Variants in IGF1R observed in about 807,000 individuals in gnomAD.
IGF1R encodes the protein insulin-like growth factor 1 receptor.
Under a neutral mutation model 144.6 loss-of-function variants are expected in IGF1R, and 44 were observed. That is an observed-to-expected ratio of 0.30 (90% CI 0.24 to 0.39). The LOEUF (loss-of-function observed/expected upper bound fraction) is 0.39. IGF1R is among the 10% of genes least tolerant of loss of function. IGF1R has a pLI of 1.00. For synonymous variants in IGF1R, 795 were observed against 722.8 expected, an observed-to-expected ratio of 1.10 and a Z score of -1.60; for missense variants, 1,355 against 1,833.7, an observed-to-expected ratio of 0.74 and a Z score of 4.77.
chr15:98,676,328 G>C (rs560447759), intron 1 of IGF1R, among the ~76,000 whole-genome samples: 17 of 152,090 alleles, frequency 1.1e-4, no homozygotes, highest in African/African-American at 4.1e-4. Context: ...AGTAGAAATG[G>C]GGTTTCACTA....
intron 18 of IGF1R, 21 bp from the exon 19 acceptor site, chr15:98,942,902 G>C (rs1303852817): frequency 3.4e-5 from 55 of 1,613,860 alleles, no homozygotes; most frequent in Non-Finnish European, 4.6e-5. Flanking sequence ...GTGTGACTCT[G>C]CGCCCTCTCT....
At chr15:98,850,956 A>G (rs1020505242) in intron 2 of IGF1R, among the ~76,000 whole-genome samples, 5 of 152,152 alleles carry the variant, frequency 3.3e-5, no homozygotes, top group Non-Finnish European at 1.5e-5. Context: ...CTCAGGGTCT[A>G]CTGAGGTGGA....
intron 3 of IGF1R, among the ~76,000 whole-genome samples, chr15:98,896,021 C>G (rs566673586): frequency 1.2e-4 from 18 of 152,040 alleles, no homozygotes; most frequent in African/African-American, 3.6e-4. Context: ...AAGTGCCAGT[C>G]TTACTTGTCC....
Position 98,959,778 on chromosome 15 carries a change from G to A in IGF1R, c.*2336G>A. On this transcript the variant is annotated 3_prime_UTR_variant, in exon 21 of 21. Coordinates refer to ENST00000650285, the MANE Select transcript of IGF1R (RefSeq NM_000875.5). Reference sequence around the variant, plus strand: ...CTGAAGATTCAACACAGAAAAGAAAGTTTATACGGCTTTTTTGCTGGTCAG... The same window carrying A: ...CTGAAGATTCAACACAGAAAAGAAAATTTATACGGCTTTTTTGCTGGTCAG... 2 of 232,746 alleles carry A rather than the reference G, an allele frequency of 8.6e-6. No homozygotes were observed. Among genetic ancestry groups the A allele is most frequent in the Non-Finnish European group, 1.7e-5 (2 of 117,940 alleles). The allele number at this position is 232,746 out of a possible 1,614,324, so 14.4% of individuals were successfully genotyped here.
intron 2 of IGF1R, among the ~76,000 whole-genome samples, chr15:98,845,394 C>T (rs2011272732): frequency 7.4e-6 from 1 of 135,568 alleles, no homozygotes; most frequent in Non-Finnish European, 1.6e-5. Context: ...CCCCTCCCTC[C>T]TCCTCGCCTC....
At chr15:98,659,935 C>G (rs1453408408) in intron 1 of IGF1R, among the ~76,000 whole-genome samples, 1 of 151,798 alleles carries the variant, frequency 6.6e-6, no homozygotes, top group East Asian at 1.9e-4. Flanking sequence ...ATAAATACAT[C>G]CAGTGTTGTG....
At chr15:98,728,823 A>G (rs1231518181) in intron 2 of IGF1R, among the ~76,000 whole-genome samples, 2 of 152,344 alleles carry the variant, frequency 1.3e-5, no homozygotes, top group East Asian at 1.9e-4. Context: ...TCCTATGACA[A>G]GAAAGCTCTT....
intron 5 of IGF1R, among the ~76,000 whole-genome samples, chr15:98,906,418 T>C (rs1324879708): frequency 6.6e-6 from 1 of 152,200 alleles, no homozygotes; most frequent in African/African-American, 2.4e-5. Flanking sequence ...CATTTGGGGG[T>C]GCATCGCTGC....
chr15:98,880,593 C>T (rs1368266803), intron 2 of IGF1R: 1 of 152,252 alleles, frequency 6.6e-6, no homozygotes, highest in Admixed American at 6.5e-5. Context: ...TGATTATATA[C>T]ACCACCAAGG....
At chr15:98,829,335 T>C (rs1024258734) in intron 2 of IGF1R, among the ~76,000 whole-genome samples, 4 of 151,848 alleles carry the variant, frequency 2.6e-5, no homozygotes, top group Non-Finnish European at 5.9e-5. Context: ...ATTGCTCTGA[T>C]GTTTTTTTCC....
intron 13 of IGF1R, among the ~76,000 whole-genome samples, chr15:98,925,572 G>T (rs937853743): frequency 3.3e-5 from 5 of 152,190 alleles, no homozygotes; most frequent in African/African-American, 1.2e-4. Flanking sequence ...CTTTCCTGGT[G>T]TCCACATTTC....
chr15:98,663,157 G>A (rs1197513420), intron 1 of IGF1R, among the ~76,000 whole-genome samples: 1 of 152,020 alleles, frequency 6.6e-6, no homozygotes, highest in Non-Finnish European at 1.5e-5. Context: ...TGAGGGAGGT[G>A]ACTGGTGAGA....
At chr15:98,743,936 C>T (rs2054805785) in intron 2 of IGF1R, among the ~76,000 whole-genome samples, 1 of 152,052 alleles carries the variant, frequency 6.6e-6, no homozygotes, top group Non-Finnish European at 1.5e-5. Flanking sequence ...AGGATTCTGG[C>T]TTGGATGACA....
intron 2 of IGF1R, among the ~76,000 whole-genome samples, chr15:98,867,522 G>A (rs1482472826): frequency 2.0e-5 from 3 of 152,148 alleles, no homozygotes; most frequent in Non-Finnish European, 4.4e-5. Context: ...TTGCCATCGT[G>A]TGGGCCTCTT....
At chr15:98,805,543 C>T (rs1210939625) in intron 2 of IGF1R, among the ~76,000 whole-genome samples, 1 of 152,082 alleles carries the variant, frequency 6.6e-6, no homozygotes, top group Admixed American at 6.6e-5. Flanking sequence ...CCTGAGAGCA[C>T]ACTGCCCGTT....
At chr15:98,676,971 C>T (rs968427103) in intron 1 of IGF1R, among the ~76,000 whole-genome samples, 16 of 151,734 alleles carry the variant, frequency 1.1e-4, no homozygotes, top group South Asian at 4.2e-4. Flanking sequence ...GGTCTCGCTC[C>T]GTTACCCAGG....
chr15:98,886,936 G>A (rs2013670734), intron 2 of IGF1R, among the ~76,000 whole-genome samples: 1 of 152,148 alleles, frequency 6.6e-6, no homozygotes, highest in African/African-American at 2.4e-5. Context: ...GCTTATTTAT[G>A]CAGTTCGTCC....
In IGF1R at chr15:98,960,444, G is replaced by A. The variant is rs901025939; in HGVS notation, c.*3002G>A. ...TGGCTGGTTGTCTTTGGAACAAACT[G>A]CTTCTGTGCAGATGGAATGACCAAC... On this transcript the variant is annotated 3_prime_UTR_variant, in exon 21 of 21. Coordinates refer to ENST00000650285, the MANE Select transcript of IGF1R (RefSeq NM_000875.5). 3 of 231,760 alleles carry A rather than the reference G, an allele frequency of 1.3e-5. No homozygotes were observed. Among genetic ancestry groups the A allele is most frequent in the Non-Finnish European group, 2.6e-5 (3 of 117,440 alleles). The allele number at this position is 231,760 out of a possible 1,614,324, so 14.4% of individuals were successfully genotyped here.
chr15:98,805,718 C>T (rs941881752), intron 2 of IGF1R, among the ~76,000 whole-genome samples: 3 of 152,170 alleles, frequency 2.0e-5, no homozygotes, highest in Non-Finnish European at 2.9e-5. Context: ...AAAATAAAAT[C>T]GTAAAGTAGT....
Sources: gnomAD v4.1 joint callset for allele counts (sites outside exome capture counted in the v4.1 genomes callset) on GRCh38, gnomAD v4.1.1 for gene constraint, MANE v1.5 for transcripts, NCBI Gene and HGNC (gene_info 2026-07-23, HGNC 2026-07-21) for gene names.